Variants in KAZN observed in about 807,000 individuals in gnomAD.
KAZN encodes kazrin.
In KAZN, 40 loss-of-function variants were observed where a neutral mutation model predicts 87.4. The observed-to-expected ratio is 0.46, with a 90% CI of 0.36 to 0.60. KAZN has a LOEUF of 0.60. Ranked by LOEUF, KAZN falls within the 20% of genes least tolerant of loss-of-function variation. The probability of loss-of-function intolerance (pLI) is 0.00; values close to 1 mark genes in which losing one functional copy is unlikely to be tolerated. For synonymous variants in KAZN, 466 were observed against 458.3 expected (o/e 1.02, Z -0.22); for missense variants, 898 against 1,073.9 (o/e 0.84, Z 2.29).
At chr1:14,366,126 C>T (rs1659976362) in intron 2 of KAZN, among the ~76,000 whole-genome samples, 1 of 152,162 alleles carries the variant, frequency 6.6e-6, no homozygotes, top group Non-Finnish European at 1.5e-5. Context: ...TGCAGCTGTT[C>T]CCATTTAAAA....
At chr1:14,252,145 T>A (rs1480998962) in intron 2 of KAZN, among the ~76,000 whole-genome samples, 2 of 152,198 alleles carry the variant, frequency 1.3e-5, no homozygotes, top group Non-Finnish European at 2.9e-5. Flanking sequence ...CACTGTAGAA[T>A]GCTTTTATCT....
At chr1:14,569,100 G>C (rs1167463362) in intron 2 of KAZN, among the ~76,000 whole-genome samples, 2 of 152,008 alleles carry the variant, frequency 1.3e-5, no homozygotes, top group African/African-American at 2.4e-5. Context: ...CAGCTCCCAT[G>C]TTTTTCCTAA....
chr1:14,500,737 AT>A (rs1670191910), intron 2 of KAZN, among the ~76,000 whole-genome samples: 2 of 152,172 alleles, frequency 1.3e-5, no homozygotes, highest in South Asian at 4.1e-4. Context: ...TAAACCAGGA[AT>A]GAAAAAGTAG....
intron 2 of KAZN, among the ~76,000 whole-genome samples, chr1:14,442,376 T>A (rs1404470174): frequency 6.6e-6 from 1 of 152,170 alleles, no homozygotes; most frequent in African/African-American, 2.4e-5. Context: ...CTCAGAGAAA[T>A]CAGCAAGACT....
intron 4 of KAZN, among the ~76,000 whole-genome samples, chr1:15,048,767 C>T (rs56663128): frequency 0.29 from 34,954 of 119,896 alleles, 7,027 homozygotes; most frequent in East Asian, 0.75. Context: ...CCTGGGTCGT[C>T]GATCCTGGGT....
At chr1:14,092,556 TAC>T (rs1307096282) in intron 1 of KAZN, among the ~76,000 whole-genome samples, 1 of 130,296 alleles carries the variant, frequency 7.7e-6, no homozygotes, top group African/African-American at 2.5e-5. Context: ...TATGTACATA[TAC>T]ACACATATAT....
At chr1:14,733,678 G>A (rs1286421812) in intron 1 of KAZN, among the ~76,000 whole-genome samples, 1 of 152,170 alleles carries the variant, frequency 6.6e-6, no homozygotes, top group African/African-American at 2.4e-5. Context: ...GGACTCGGGG[G>A]TCATAGCAGC....
chr1:13,949,731 G>A (rs537605073), intron 1 of KAZN, among the ~76,000 whole-genome samples: 1 of 152,170 alleles, frequency 6.6e-6, no homozygotes, highest in East Asian at 1.9e-4. Context: ...GCTAGAAGTT[G>A]TCTTTCCCAA....
intron 2 of KAZN, among the ~76,000 whole-genome samples, chr1:14,291,333 C>T (rs1160113894): frequency 1.3e-5 from 2 of 152,204 alleles, no homozygotes; most frequent in Non-Finnish European, 2.9e-5. Context: ...GCTCCCGTGG[C>T]CTCCATCCAG....
chr1:14,567,153 C>T (rs894199547), intron 2 of KAZN, among the ~76,000 whole-genome samples: 1 of 152,090 alleles, frequency 6.6e-6, no homozygotes, highest in African/African-American at 2.4e-5. Flanking sequence ...CTCTTCCTTT[C>T]AGTTGAACCC....
chr1:14,228,800 C>T (rs1647531993), intron 2 of KAZN, among the ~76,000 whole-genome samples: 1 of 152,198 alleles, frequency 6.6e-6, no homozygotes, highest in African/African-American at 2.4e-5. Context: ...TTAAAAAGGA[C>T]ATCAGTCCGG....
chr1:14,440,299 C>T (rs889447740), intron 2 of KAZN, among the ~76,000 whole-genome samples: 5 of 152,150 alleles, frequency 3.3e-5, no homozygotes, highest in Admixed American at 2.0e-4. Flanking sequence ...AATTACCTGG[C>T]GGAGGATTCC....
At chr1:14,615,926 G>A (rs1476811043) in intron 1 of KAZN, among the ~76,000 whole-genome samples, 1 of 152,210 alleles carries the variant, frequency 6.6e-6, no homozygotes, top group Non-Finnish European at 1.5e-5. Flanking sequence ...TTAAAGGACA[G>A]GCAGTTCGTC....
At chr1:14,019,851 A>T (rs181406198) in intron 1 of KAZN, among the ~76,000 whole-genome samples, 86 of 152,208 alleles carry the variant, frequency 5.7e-4, no homozygotes, top group Non-Finnish European at 6.2e-4. Context: ...CACGGAAGAC[A>T]ATTTTTCCAT....
chr1:14,038,193 T>A (rs913017639), intron 1 of KAZN, among the ~76,000 whole-genome samples: 7 of 152,088 alleles, frequency 4.6e-5, no homozygotes, highest in Non-Finnish European at 8.8e-5. Flanking sequence ...GTAAGTTACA[T>A]AGTATTTAGA....
intron 8 of KAZN, among the ~76,000 whole-genome samples, chr1:15,082,089 G>A (rs558834952): frequency 6.6e-5 from 10 of 152,116 alleles, no homozygotes; most frequent in Non-Finnish European, 1.5e-4. Context: ...AGCAGGGGAC[G>A]TTGCAACCTT....
chr1:14,200,899 G>A (rs1646625672), intron 2 of KAZN, among the ~76,000 whole-genome samples: 1 of 151,662 alleles, frequency 6.6e-6, no homozygotes, highest in African/African-American at 2.4e-5. Flanking sequence ...GCACCCAGCT[G>A]GCTGGCTCCA....
chr1:14,711,402 A>G (rs1489562652), intron 1 of KAZN, among the ~76,000 whole-genome samples: 4 of 151,510 alleles, frequency 2.6e-5, no homozygotes, highest in Non-Finnish European at 5.9e-5. Flanking sequence ...TGGTTTGGGG[A>G]TGGTCACATT....
At chr1:14,057,523 G>A (rs1368266266) in intron 1 of KAZN, among the ~76,000 whole-genome samples, 1 of 152,216 alleles carries the variant, frequency 6.6e-6, no homozygotes, top group Non-Finnish European at 1.5e-5. Flanking sequence ...CACTTCATAT[G>A]TGGGCCAGTT....
Sources: gnomAD v4.1 joint callset for allele counts (sites outside exome capture counted in the v4.1 genomes callset) on GRCh38, gnomAD v4.1.1 for gene constraint, MANE v1.5 for transcripts, NCBI Gene and HGNC (gene_info 2026-07-23, HGNC 2026-07-21) for gene names.